Variants in MCTP1 observed in about 807,000 individuals in gnomAD.
MCTP1 encodes multiple C2 and transmembrane domain containing 1.
Under a neutral mutation model 120.6 loss-of-function variants are expected in MCTP1, and 69 were observed. The ratio of observed to expected loss-of-function variants is 0.57; its 90% confidence interval spans 0.47 to 0.70. The LOEUF is 0.70. MCTP1 is among the 30% of genes least tolerant of loss of function. The probability of loss-of-function intolerance (pLI) is 0.00; values close to 1 mark genes in which losing one functional copy is unlikely to be tolerated. For missense variants in MCTP1, 1,203 were observed against 1,248.8 expected (o/e 0.96, Z 0.55); for synonymous variants, 529 against 493.1 (o/e 1.07, Z -0.96).
At chr5:95,012,822 C>T (rs1192595328) in intron 2 of MCTP1, among the ~76,000 whole-genome samples, 5 of 152,000 alleles carry the variant, frequency 3.3e-5, no homozygotes, top group Admixed American at 6.6e-5. Context: ...ACAACATTAC[C>T]GAAATTAGGC....
chr5:94,873,693 A>G (rs1338754863), intron 12 of MCTP1, among the ~76,000 whole-genome samples: 1 of 151,974 alleles, frequency 6.6e-6, no homozygotes, highest in Non-Finnish European at 1.5e-5. Flanking sequence ...TTTCTAATCA[A>G]ATTTATTCAG....
chr5:94,841,484 T>C (rs987343331), intron 17 of MCTP1, among the ~76,000 whole-genome samples: 12 of 152,176 alleles, frequency 7.9e-5, no homozygotes, highest in Non-Finnish European at 1.5e-4. Flanking sequence ...TCAGAATAGA[T>C]TTGTTTATCA....
At chr5:94,954,966 C>G (rs1367207650) in intron 2 of MCTP1, among the ~76,000 whole-genome samples, 6 of 152,162 alleles carry the variant, frequency 3.9e-5, no homozygotes, top group African/African-American at 9.7e-5. Flanking sequence ...AAAGTTGATT[C>G]CCAGGCAAGA....
At chr5:94,791,521 A>G (rs1467518278) in intron 18 of MCTP1, among the ~76,000 whole-genome samples, 1 of 152,036 alleles carries the variant, frequency 6.6e-6, no homozygotes, top group Non-Finnish European at 1.5e-5. Flanking sequence ...ACACACACTC[A>G]TATAGTGAAA....
chr5:95,113,772 T>C (rs970985922), intron 1 of MCTP1, among the ~76,000 whole-genome samples: 2 of 152,072 alleles, frequency 1.3e-5, no homozygotes, highest in African/African-American at 4.8e-5. Context: ...TCAGTAGACT[T>C]AAAGGGCACA....
At position 95,284,354 on chromosome 5, in the gene MCTP1, T is replaced by G; in HGVS notation, c.222A>C (p.Ala74=). 2 of 1,596,720 alleles carry G rather than the reference T, an allele frequency of 1.3e-6. No homozygotes were observed. Among genetic ancestry groups the G allele is most frequent in the Non-Finnish European group, 1.7e-6 (2 of 1,179,222 alleles). The change falls in exon 1 of 23, where the codon GCA becomes GCC. Residue 74 remains alanine (A), a synonymous_variant. Coordinates refer to ENST00000515393, the MANE Select transcript of MCTP1 (RefSeq NM_024717.7). This position sits in a 1 kb window ranked among gnomAD's most constrained non-coding sequence, Gnocchi z 5.2. ...TGNAPARGSG[A]GSRWSGFKKR... ...TCTTGAAGCCGCTCCACCTGCTGCC[T>G]GCACCACTCCCCCTGGCCGGTGCAT...
At chr5:94,879,344 T>C (rs1799578626) in intron 12 of MCTP1, among the ~76,000 whole-genome samples, 1 of 152,100 alleles carries the variant, frequency 6.6e-6, no homozygotes. Flanking sequence ...ATGTAAATTT[T>C]CATTATGCAG....
chr5:95,147,435 C>G (rs1562182194), intron 1 of MCTP1, among the ~76,000 whole-genome samples: 1 of 152,156 alleles, frequency 6.6e-6, no homozygotes, highest in Non-Finnish European at 1.5e-5. Flanking sequence ...TTGAGTTGAA[C>G]CCTTTGCCAT....
At chr5:94,917,869 A>T in intron 8 of MCTP1, 27 bp downstream of exon 8, 3 of 1,599,416 alleles carry the variant, frequency 1.9e-6, no homozygotes, top group East Asian at 2.2e-5. Flanking sequence ...TCAGAAAAAA[A>T]TAAATGAACT....
chr5:94,895,509 T>A lies in MCTP1; in HGVS notation c.1653-674A>T, dbSNP rs1217668746. Among the ~76,000 whole-genome samples, 3 of 152,138 alleles carry A rather than the reference T, an allele frequency of 2.0e-5. No homozygotes were observed. The East Asian group carries it at 5.8e-4, about 29-fold the overall frequency. ...AAAACGCTTTTCATAAAAATGTCAG[T>A]TGATTTTGAAGAGAAAGGTAATATG... On this transcript the variant is annotated intron_variant, in intron 10 of 22. Coordinates refer to ENST00000515393, the MANE Select transcript of MCTP1 (RefSeq NM_024717.7).
chr5:95,024,648 T>TACACACACACACACACACAC (rs111890273), intron 1 of MCTP1, among the ~76,000 whole-genome samples: 168 of 146,358 alleles, frequency 1.1e-3, no homozygotes, highest in African/African-American at 3.8e-3. Flanking sequence ...GGCATTCAAA[T>TACACACACACACACACACAC]ACACACACAC....
chr5:94,779,317 C>A (rs1479471819), intron 18 of MCTP1, among the ~76,000 whole-genome samples, 154 bp from the exon 19 acceptor site: 1 of 152,120 alleles, frequency 6.6e-6, no homozygotes, highest in Admixed American at 6.6e-5. Context: ...TAGGAAAATG[C>A]TCTGCCTTTA....
At chr5:95,050,394 T>C (rs1238684498) in intron 1 of MCTP1, among the ~76,000 whole-genome samples, 1 of 152,228 alleles carries the variant, frequency 6.6e-6, no homozygotes, top group Non-Finnish European at 1.5e-5. Flanking sequence ...TATTTTTATC[T>C]GACAATCTGA....
chr5:94,959,402 T>TTTCA lies in MCTP1; in HGVS notation c.839-6042_839-6041insTGAA, dbSNP rs1823547516. On this transcript the variant is annotated intron_variant, in intron 2 of 22. Transcript: ENST00000515393. ...CTCTCACCACTCCTATTCAATATAG[T>TTTCA]ATTGAAAGTTCCGGCCAGGGCAATT... Among the ~76,000 whole-genome samples, 7 of 152,298 alleles carry TTTCA rather than the reference T, an allele frequency of 4.6e-5. No individual in the cohort carries two copies. In the South Asian group the frequency reaches 1.4e-3, roughly 32 times the overall value.
chr5:94,918,162 T>G (rs960616349), intron 7 of MCTP1, among the ~76,000 whole-genome samples, 189 bp from the exon 8 acceptor site: 1 of 152,202 alleles, frequency 6.6e-6, no homozygotes, highest in Non-Finnish European at 1.5e-5. Context: ...ATTCTACATT[T>G]CCAGCCACTA....
rs150204652 is a variant in MCTP1, at chr5:94,951,414, T to C, written c.981+1805A>G. On this transcript the variant is annotated intron_variant, in intron 3 of 22. Coordinates refer to ENST00000515393, the MANE Select transcript of MCTP1 (RefSeq NM_024717.7). ...TGTAACCCTTTCAAAGACAGGACAGTCACATGGTTCTTTCATGGAGTAATA... is the reference window on the plus strand; with the variant it reads ...TGTAACCCTTTCAAAGACAGGACAGCCACATGGTTCTTTCATGGAGTAATA... Among the ~76,000 whole-genome samples, 431 of 152,288 alleles carry C rather than the reference T, an allele frequency of 2.8e-3. 2 individuals carry two copies. The highest frequency in any genetic ancestry group is 9.3e-3 in the African/African-American group (388 of 41,572).
chr5:94,734,770 CATTTTT>C (rs1259740586), intron 19 of MCTP1, among the ~76,000 whole-genome samples: 6 of 152,132 alleles, frequency 3.9e-5, no homozygotes, highest in African/African-American at 1.4e-4. Context: ...CTCTTTCTTT[CATTTTT>C]AAGGCACAAA....
intron 1 of MCTP1, among the ~76,000 whole-genome samples, chr5:95,267,576 T>G (rs1008011914): frequency 6.6e-6 from 1 of 152,232 alleles, no homozygotes; most frequent in Admixed American, 6.5e-5. Flanking sequence ...CATATCCTAA[T>G]AAGGAAAACA....
At chr5:94,761,998 G>A (rs956743935) in intron 19 of MCTP1, among the ~76,000 whole-genome samples, 1 of 152,212 alleles carries the variant, frequency 6.6e-6, no homozygotes, top group African/African-American at 2.4e-5. Flanking sequence ...CAGCCAAGTT[G>A]AGCCTTTTAG....
Sources: gnomAD v4.1 joint callset for allele counts (sites outside exome capture counted in the v4.1 genomes callset) on GRCh38, gnomAD v4.1.1 for gene constraint, Gnocchi (gnomAD v3.1) non-coding constraint, MANE v1.5 for transcripts, NCBI Gene and HGNC (gene_info 2026-07-23, HGNC 2026-07-21) for gene names.